The following PHF24 variants were observed in gnomAD, a reference collection of about 807,000 sequenced individuals.
PHF24 encodes PHD finger protein 24.
A neutral mutation model predicts 42.6 loss-of-function variants in PHF24; 25 were observed. The observed-to-expected ratio is 0.59, with a 90% CI of 0.43 to 0.82. PHF24 has a LOEUF of 0.82. Among genes scored for constraint, PHF24 ranks in the 40% least tolerant of loss-of-function variants. PHF24 has a pLI of 0.00. For missense variants in PHF24, 470 were observed against 538.1 expected, an observed-to-expected ratio of 0.87 and a Z score of 1.25; for synonymous variants, 185 against 204.8, an observed-to-expected ratio of 0.90 and a Z score of 0.83.
At chr9:34,952,425 T>C in the PHF24 span, among the ~76,000 whole-genome samples, 1 of 152,168 alleles carries the variant, frequency 6.6e-6, no homozygotes, top group Non-Finnish European at 1.5e-5. Flanking sequence ...AGAGTCAACA[T>C]TAAGATGACA....
intron 3 of PHF24, among the ~76,000 whole-genome samples, chr9:34,973,996 AATCTTC>A (rs1399315291): frequency 6.6e-6 from 1 of 151,276 alleles, no homozygotes; most frequent in African/African-American, 2.5e-5. Flanking sequence ...ACAGCCAACA[AATCTTC>A]TTCTTCTTTT....
At chr9:34,756,590 TG>T in the PHF24 span, among the ~76,000 whole-genome samples, 6 of 152,224 alleles carry the variant, frequency 3.9e-5, 1 homozygote, top group Non-Finnish European at 5.9e-5. Flanking sequence ...TTTATGGTAG[TG>T]CCATGCTGTT....
the PHF24 span, among the ~76,000 whole-genome samples, chr9:34,934,765 T>C: frequency 2.6e-5 from 4 of 152,136 alleles, no homozygotes; most frequent in African/African-American, 7.2e-5. Flanking sequence ...AAATACCAGG[T>C]TGACAAATTA....
chr9:34,753,719 A>C, the PHF24 span, among the ~76,000 whole-genome samples: 1 of 152,206 alleles, frequency 6.6e-6, no homozygotes. Context: ...TAGAGGAATC[A>C]CATTACCTGA....
chr9:34,940,336 A>G, the PHF24 span, among the ~76,000 whole-genome samples: 1 of 152,010 alleles, frequency 6.6e-6, no homozygotes, highest in Non-Finnish European at 1.5e-5. Flanking sequence ...CCCACCCTGA[A>G]TCCTGTAAGA....
the PHF24 span, among the ~76,000 whole-genome samples, chr9:34,822,403 A>C: frequency 6.6e-6 from 1 of 152,232 alleles, no homozygotes; most frequent in Non-Finnish European, 1.5e-5. Context: ...ATAGAGATAG[A>C]ATTCACATAC....
At chr9:34,846,311 T>G in the PHF24 span, among the ~76,000 whole-genome samples, 4 of 152,260 alleles carry the variant, frequency 2.6e-5, no homozygotes, top group Admixed American at 2.0e-4. Context: ...TGAGATGGTA[T>G]CTCATTGTGG....
chr9:34,835,825 T>C, the PHF24 span: 24 of 1,457,366 alleles, frequency 1.6e-5, no homozygotes, highest in African/African-American at 3.0e-4. Flanking sequence ...CTCTCTGATA[T>C]TTCTGGAATG....
the PHF24 span, among the ~76,000 whole-genome samples, chr9:34,772,393 A>G: frequency 6.6e-6 from 1 of 152,262 alleles, no homozygotes; most frequent in Non-Finnish European, 1.5e-5. Flanking sequence ...ATTTATGAGA[A>G]GAAAACTGGA....
At chr9:34,729,492 T>G in the PHF24 span, 1 of 1,490,370 alleles carries the variant, frequency 6.7e-7, no homozygotes, top group Admixed American at 2.2e-5. Context: ...TTCTGGTGCC[T>G]AATGAATCCC....
chr9:34,801,291 A>G, the PHF24 span, among the ~76,000 whole-genome samples: 2 of 152,238 alleles, frequency 1.3e-5, no homozygotes, highest in Non-Finnish European at 2.9e-5. Context: ...CAATCCCATT[A>G]CTGGGTACAC....
At chr9:34,894,136 G>A in the PHF24 span, among the ~76,000 whole-genome samples, 1 of 152,120 alleles carries the variant, frequency 6.6e-6, no homozygotes, top group Non-Finnish European at 1.5e-5. Flanking sequence ...CCTCTTGACT[G>A]GATAGCTTGT....
chr9:34,817,447 G>T, the PHF24 span, among the ~76,000 whole-genome samples: 1 of 152,092 alleles, frequency 6.6e-6, no homozygotes, highest in East Asian at 1.9e-4. Context: ...GTCTCACTAT[G>T]TTGCCCAGGC....
the PHF24 span, among the ~76,000 whole-genome samples, chr9:34,909,141 C>T: frequency 1.3e-5 from 2 of 151,980 alleles, no homozygotes; most frequent in African/African-American, 4.8e-5. Context: ...CCACCATGCC[C>T]GGCCCCCTTT....
the PHF24 span, among the ~76,000 whole-genome samples, chr9:34,754,683 C>T: frequency 6.6e-6 from 1 of 152,026 alleles, no homozygotes; most frequent in Non-Finnish European, 1.5e-5. Context: ...TACCATATGA[C>T]CCAGCAATCC....
the PHF24 span, among the ~76,000 whole-genome samples, chr9:34,948,427 A>G: frequency 1.3e-5 from 2 of 152,172 alleles, no homozygotes; most frequent in African/African-American, 4.8e-5. Context: ...ACCCAGAGCA[A>G]TTTCCAGTCC....
At chr9:34,889,455 G>C in the PHF24 span, 1 of 398,626 alleles carries the variant, frequency 2.5e-6, no homozygotes, top group Non-Finnish European at 4.4e-6. Context: ...CTGTGTTGTA[G>C]CTCCCCACAC....
chr9:34,944,052 G>A, the PHF24 span, among the ~76,000 whole-genome samples: 1 of 152,138 alleles, frequency 6.6e-6, no homozygotes, highest in African/African-American at 2.4e-5. Flanking sequence ...ACTTTCCTCA[G>A]CCTCTTTATT....
At chr9:34,846,862 T>G in the PHF24 span, among the ~76,000 whole-genome samples, 4 of 152,200 alleles carry the variant, frequency 2.6e-5, no homozygotes, top group East Asian at 7.7e-4. Context: ...AGGGAATCCT[T>G]TCCCCATTGC....
Sources: allele counts gnomAD v4.1 joint callset (sites outside exome capture counted in the v4.1 genomes callset), GRCh38; gene constraint gnomAD v4.1.1; transcripts MANE v1.5; gene names NCBI Gene and HGNC (gene_info 2026-07-23, HGNC 2026-07-21).